Variants in SATB2 observed in about 807,000 individuals in gnomAD.
SATB2 encodes the protein SATB homeobox 2.
Under a neutral mutation model 73.4 loss-of-function variants are expected in SATB2, and 1 was observed. The observed-to-expected ratio is 0.01, with a 90% CI of 0.00 to 0.06. The LOEUF (loss-of-function observed/expected upper bound fraction) is 0.06, where lower values mean the gene tolerates loss of function less well. SATB2 is among the 10% of genes least tolerant of loss of function. The pLI, the probability that SATB2 is intolerant of heterozygous loss-of-function variation, is 1.00. For missense variants in SATB2, 459 were observed against 945.8 expected (o/e 0.49, Z 6.75); for synonymous variants, 397 against 367.0 (o/e 1.08, Z -0.93).
chr2:199,278,128 G>T (rs1692373522), intron 10 of SATB2, among the ~76,000 whole-genome samples: 2 of 152,138 alleles, frequency 1.3e-5, no homozygotes, highest in Non-Finnish European at 2.9e-5. Context: ...TTGAGATAAG[G>T]TGACTCAGAG....
chr2:199,364,396 G>T (rs534376534), intron 6 of SATB2, among the ~76,000 whole-genome samples: 2 of 152,258 alleles, frequency 1.3e-5, no homozygotes, highest in South Asian at 4.1e-4. Context: ...ATCAGACAGG[G>T]TCAGATAAAA....
intron 10 of SATB2, among the ~76,000 whole-genome samples, chr2:199,278,433 A>C (rs1574464571): frequency 6.6e-6 from 1 of 152,336 alleles, no homozygotes; most frequent in East Asian, 1.9e-4. Flanking sequence ...GTGCGATGCC[A>C]TGATGGATAG....
chr2:199,361,478 C>G (rs1332855658), intron 6 of SATB2, among the ~76,000 whole-genome samples: 1 of 151,904 alleles, frequency 6.6e-6, no homozygotes, highest in African/African-American at 2.4e-5. Context: ...TCGACTTTGC[C>G]TACTTCCACC....
At chr2:199,318,834 C>A (rs547853168) in intron 9 of SATB2, among the ~76,000 whole-genome samples, 1 of 150,998 alleles carries the variant, frequency 6.6e-6, no homozygotes, top group South Asian at 2.1e-4. Flanking sequence ...CCACAGAGAC[C>A]TAGATGTTTT....
chr2:199,344,749 A>T (rs1200397255), intron 7 of SATB2, among the ~76,000 whole-genome samples: 1 of 151,980 alleles, frequency 6.6e-6, no homozygotes, highest in East Asian at 1.9e-4. Flanking sequence ...TGTGATCTCA[A>T]ATTGACCCCC....
At chr2:199,409,609 T>C (rs572703681) in intron 3 of SATB2, among the ~76,000 whole-genome samples, 1 of 152,310 alleles carries the variant, frequency 6.6e-6, no homozygotes, top group South Asian at 2.1e-4. Flanking sequence ...TACTGCCTAC[T>C]TTATATTTTC....
chr2:199,441,089 C>T (rs1277352286), intron 2 of SATB2, among the ~76,000 whole-genome samples: 1 of 152,022 alleles, frequency 6.6e-6, no homozygotes, highest in Non-Finnish European at 1.5e-5. Flanking sequence ...TCAGGTGATC[C>T]GCCTGCCTCG....
chr2:199,364,904 C>T (rs1005198309), intron 6 of SATB2, among the ~76,000 whole-genome samples: 1 of 151,942 alleles, frequency 6.6e-6, no homozygotes, highest in Non-Finnish European at 1.5e-5. Context: ...AAGTAGATTG[C>T]CATGAGAGTA....
chr2:199,403,575 A>G (rs921571714), intron 3 of SATB2, among the ~76,000 whole-genome samples: 1 of 152,198 alleles, frequency 6.6e-6, no homozygotes, highest in Non-Finnish European at 1.5e-5. Context: ...GGGTGTGTTT[A>G]TTACTTTTAA....
intron 2 of SATB2, among the ~76,000 whole-genome samples, chr2:199,434,064 G>A (rs1451893514): frequency 2.0e-5 from 3 of 151,988 alleles, no homozygotes; most frequent in Non-Finnish European, 2.9e-5. Context: ...AAGCTGTTAT[G>A]TGAATATAAT....
At position 199,288,059 on chromosome 2, in the gene SATB2, T is replaced by A. The variant is rs190006919; in HGVS notation, c.1741-15387A>T. Among the ~76,000 whole-genome samples the A allele has an allele frequency of 1.5e-4, 23 of 152,296 alleles. No individual in the cohort carries two copies. In the East Asian group the frequency reaches 4.0e-3, roughly 27 times the overall value. On this transcript the variant is annotated intron_variant, in intron 10 of 10. Coordinates refer to ENST00000417098, the MANE Select transcript of SATB2 (RefSeq NM_001172509.2). ...ATCTACTAGACTCTAAGAATAACACTATAAATGACAGAGGCTATTATTCAA... is the reference window on the plus strand; with the variant it reads ...ATCTACTAGACTCTAAGAATAACACAATAAATGACAGAGGCTATTATTCAA...
chr2:199,401,689 A>T (rs1346801347), intron 3 of SATB2, among the ~76,000 whole-genome samples: 1 of 152,090 alleles, frequency 6.6e-6, no homozygotes, highest in Non-Finnish European at 1.5e-5. Flanking sequence ...AGGCAGAAAT[A>T]TGGGGGAAAA....
In SATB2 at chr2:199,457,269, G is replaced by A. The variant is rs1048423671; in HGVS notation, c.-60+70C>T. On this transcript the variant is annotated intron_variant, in intron 1 of 10. Coordinates refer to ENST00000417098, the MANE Select transcript of SATB2 (RefSeq NM_001172509.2). This position sits in a 1 kb window ranked among gnomAD's most constrained non-coding sequence, Gnocchi z 4.8. ...CGAGAGGCCGAGAGCGGCGGGGAGG[G>A]GACTTCGTTGGCCCTGGGCTTCCCC... is the stretch of plus-strand genomic sequence containing the variant. 8 of 152,286 alleles carry A rather than the reference G, an allele frequency of 5.3e-5. No individual in the cohort carries two copies. Among genetic ancestry groups the A allele is most frequent in the African/African-American group, 1.7e-4 (7 of 41,452 alleles). The allele number at this position is 152,286 out of a possible 1,614,324, so 9.4% of individuals were successfully genotyped here.
At chr2:199,428,090 G>A (rs370440309) in intron 3 of SATB2, among the ~76,000 whole-genome samples, 10 of 152,054 alleles carry the variant, frequency 6.6e-5, no homozygotes, top group Non-Finnish European at 1.3e-4. Context: ...CAAAACATTT[G>A]TAAGTTTGAT....
At chr2:199,331,187 A>T (rs942527266) in intron 7 of SATB2, among the ~76,000 whole-genome samples, 1 of 148,598 alleles carries the variant, frequency 6.7e-6, no homozygotes, top group Non-Finnish European at 1.5e-5. Flanking sequence ...AAAAAATTTT[A>T]AAACACAGAG....
At chr2:199,375,085 T>C (rs927255195) in intron 5 of SATB2, among the ~76,000 whole-genome samples, 3 of 152,148 alleles carry the variant, frequency 2.0e-5, no homozygotes, top group African/African-American at 7.2e-5. Flanking sequence ...CCTCTACTTA[T>C]TTAAATGGGT....
At chr2:199,328,954 G>A in intron 7 of SATB2, 44 bp from the exon 8 acceptor site, 1 of 1,473,060 alleles carries the variant, frequency 6.8e-7, no homozygotes, top group Admixed American at 1.7e-5. Context: ...ACATTTGCAG[G>A]TATATGTGTG....
At chr2:199,385,821 G>A (rs1689914125) in intron 3 of SATB2, among the ~76,000 whole-genome samples, 1 of 152,144 alleles carries the variant, frequency 6.6e-6, no homozygotes, top group African/African-American at 2.4e-5. Context: ...AAGGTCTGGA[G>A]TCAAAGATGA....
chr2:199,379,063 T>TCACAC (rs1455835796), intron 5 of SATB2, among the ~76,000 whole-genome samples: 1 of 152,192 alleles, frequency 6.6e-6, no homozygotes, highest in Non-Finnish European at 1.5e-5. Flanking sequence ...GTGTAGCAGC[T>TCACAC]CACACCAGGA....
Sources: allele counts gnomAD v4.1 joint callset (sites outside exome capture counted in the v4.1 genomes callset), GRCh38; gene constraint gnomAD v4.1.1; non-coding constraint Gnocchi (gnomAD v3.1); transcripts MANE v1.5; gene names NCBI Gene and HGNC (gene_info 2026-07-23, HGNC 2026-07-21).